Variants in TBC1D5 observed in about 807,000 individuals in gnomAD.
TBC1D5 encodes TBC1 domain family member 5, also known as TBC1 domain family, member 5.
Under a neutral mutation model 100.3 loss-of-function variants are expected in TBC1D5, and 75 were observed. That is an observed-to-expected ratio of 0.75 (90% confidence interval 0.62 to 0.91). The LOEUF is 0.91. TBC1D5 is among the 40% of genes least tolerant of loss of function. The probability of loss-of-function intolerance (pLI) is 0.00; values close to 1 mark genes in which losing one functional copy is unlikely to be tolerated. For synonymous variants in TBC1D5, 323 were observed against 325.6 expected (o/e 0.99, Z 0.09); for missense variants, 910 against 942.4 (o/e 0.97, Z 0.45).
intron 13 of TBC1D5, among the ~76,000 whole-genome samples, chr3:17,330,312 C>T (rs1456564460): frequency 6.6e-6 from 1 of 152,138 alleles, no homozygotes; most frequent in African/African-American, 2.4e-5. Flanking sequence ...CCTTGGCACC[C>T]ACATGAAGTT....
intron 9 of TBC1D5, among the ~76,000 whole-genome samples, chr3:17,379,011 T>C (rs949445713): frequency 1.1e-4 from 16 of 151,912 alleles, no homozygotes; most frequent in African/African-American, 3.9e-4. Context: ...TGAAATACAT[T>C]GGTTTGTATA....
chr3:17,313,872 G>C (rs769449051), intron 13 of TBC1D5, among the ~76,000 whole-genome samples: 1 of 152,176 alleles, frequency 6.6e-6, no homozygotes, highest in Non-Finnish European at 1.5e-5. Context: ...CCTATTAAGA[G>C]AGTCAGAAAA....
intron 4 of TBC1D5, 145 bp downstream of exon 4, chr3:17,428,305 A>T (rs755209192): frequency 3.2e-4 from 78 of 241,124 alleles, no homozygotes; most frequent in Non-Finnish European, 5.3e-4. Context: ...TACATTGGTC[A>T]CCTTGTTAAA....
At chr3:17,705,059 C>T (rs1441961270) in intron 1 of TBC1D5, among the ~76,000 whole-genome samples, 10 of 137,530 alleles carry the variant, frequency 7.3e-5, no homozygotes, top group South Asian at 2.4e-4. Flanking sequence ...GGCTGACCCC[C>T]CCACCTCCCT....
chr3:17,342,349 C>A (rs918760537), intron 13 of TBC1D5, among the ~76,000 whole-genome samples: 4 of 152,216 alleles, frequency 2.6e-5, no homozygotes, highest in African/African-American at 4.8e-5. Flanking sequence ...TCAAGAAGCA[C>A]AGATGACCAT....
intron 1 of TBC1D5, among the ~76,000 whole-genome samples, chr3:17,737,921 C>A (rs532221517): frequency 6.6e-6 from 1 of 151,932 alleles, no homozygotes; most frequent in Non-Finnish European, 1.5e-5. Flanking sequence ...GAGTTAGCCA[C>A]AGAAACCACA....
intron 8 of TBC1D5, among the ~76,000 whole-genome samples, chr3:17,393,309 CAA>C (rs1051362474): frequency 2.6e-5 from 4 of 151,848 alleles, no homozygotes; most frequent in Non-Finnish European, 5.9e-5. Context: ...AACCACTGCT[CAA>C]GGAAATAAGA....
intron 1 of TBC1D5, among the ~76,000 whole-genome samples, chr3:17,651,422 G>C (rs1206731606): frequency 6.6e-6 from 1 of 152,136 alleles, no homozygotes; most frequent in African/African-American, 2.4e-5. Context: ...AGTAATATTT[G>C]ATTTTTCAGA....
At chr3:17,589,809 G>T (rs1257902583) in intron 2 of TBC1D5, among the ~76,000 whole-genome samples, 2 of 152,162 alleles carry the variant, frequency 1.3e-5, no homozygotes, top group Non-Finnish European at 2.9e-5. Context: ...CACTGAAATT[G>T]TCTCTGCCCT....
intron 13 of TBC1D5, among the ~76,000 whole-genome samples, chr3:17,319,237 T>C (rs573079224): frequency 6.6e-6 from 1 of 152,302 alleles, no homozygotes; most frequent in Non-Finnish European, 1.5e-5. Context: ...GTCAACATAC[T>C]CATTTCCTTT....
intron 8 of TBC1D5, among the ~76,000 whole-genome samples, chr3:17,394,961 G>A (rs2093459590): frequency 6.6e-6 from 1 of 151,970 alleles, no homozygotes; most frequent in South Asian, 2.1e-4. Flanking sequence ...AAAAAAGGAA[G>A]TAGTAATTTA....
intron 1 of TBC1D5, among the ~76,000 whole-genome samples, chr3:17,662,752 A>G (rs1201138007): frequency 2.0e-5 from 3 of 152,334 alleles, no homozygotes; most frequent in African/African-American, 7.2e-5. Flanking sequence ...AGTGTTTCTC[A>G]AATTGTAACA....
At chr3:17,542,323 A>C (rs554828551) in intron 2 of TBC1D5, among the ~76,000 whole-genome samples, 1 of 152,254 alleles carries the variant, frequency 6.6e-6, no homozygotes, top group African/African-American at 2.4e-5. Flanking sequence ...AAAATTATAA[A>C]AACATATTAG....
chr3:17,441,981 A>T (rs2094669068), intron 3 of TBC1D5, among the ~76,000 whole-genome samples: 1 of 148,422 alleles, frequency 6.7e-6, no homozygotes, highest in Non-Finnish European at 1.5e-5. Flanking sequence ...TCTGGGCAAA[A>T]TACAAAAAAA....
chr3:17,248,095 G>A (rs1160714165), intron 16 of TBC1D5, among the ~76,000 whole-genome samples: 2 of 151,494 alleles, frequency 1.3e-5, no homozygotes, highest in East Asian at 1.9e-4. Flanking sequence ...GGGTTCAAGC[G>A]ATTCTCCTGC....
intron 1 of TBC1D5, among the ~76,000 whole-genome samples, chr3:17,735,819 AG>A (rs1290358236): frequency 6.6e-6 from 1 of 152,236 alleles, no homozygotes; most frequent in Admixed American, 6.5e-5. Context: ...GACAGCAAAC[AG>A]CAGTGGTGGA....
chr3:17,168,440 C>A (rs1445098525), intron 19 of TBC1D5, among the ~76,000 whole-genome samples: 1 of 152,126 alleles, frequency 6.6e-6, no homozygotes, highest in Non-Finnish European at 1.5e-5. Context: ...ATCTGAGGGA[C>A]CCACCAAGCC....
chr3:17,625,323 A>AGG lies in TBC1D5; in HGVS notation c.-100-1411_-100-1410insCC, dbSNP rs759047983. 4.3e-4 allele frequency among the ~76,000 whole-genome samples: 66 copies of AGG among 152,222 alleles called. 1 individual carries two copies. The highest frequency in any genetic ancestry group is 7.9e-4 in the Non-Finnish European group (54 of 67,936). On this transcript the variant is annotated intron_variant, in intron 1 of 21. Transcript: ENST00000253692. ...ATATACATGTAAGTATGTAGGAGGC[A>AGG]AGTGTCCTTGTGCTTATAATTAGCA...
At chr3:17,598,712 G>C (rs1476511064) in intron 2 of TBC1D5, among the ~76,000 whole-genome samples, 2 of 152,162 alleles carry the variant, frequency 1.3e-5, no homozygotes, top group Non-Finnish European at 2.9e-5. Flanking sequence ...TTACTTCTTA[G>C]AAAATAAGAG....
Sources: allele counts gnomAD v4.1 joint callset (sites outside exome capture counted in the v4.1 genomes callset), GRCh38; gene constraint gnomAD v4.1.1; transcripts MANE v1.5; gene names NCBI Gene and HGNC (gene_info 2026-07-23, HGNC 2026-07-21).